DNAH11: variants seen among roughly 807,000 people sequenced by gnomAD.
DNAH11 encodes the protein axonemal beta dynein heavy chain 11.
A neutral mutation model predicts 526.0 loss-of-function variants in DNAH11; 442 were observed. The observed-to-expected ratio is 0.84, with a 90% CI of 0.78 to 0.91. DNAH11 has a LOEUF of 0.91. Ranked by LOEUF, DNAH11 falls within the 40% of genes least tolerant of loss-of-function variation. The pLI, the probability that DNAH11 is intolerant of heterozygous loss-of-function variation, is 0.00. For missense variants in DNAH11, 6,989 were observed against 5,448.7 expected (o/e 1.28, Z -8.90); for synonymous variants, 2,461 against 1,935.9 (o/e 1.27, Z -7.12).
At chr7:21,683,374 A>G (rs1783221433) in intron 31 of DNAH11, among the ~76,000 whole-genome samples, 1 of 152,258 alleles carries the variant, frequency 6.6e-6, no homozygotes, top group African/African-American at 2.4e-5. Context: ...TGGTTTTAGA[A>G]TGAACTTGGT....
intron 2 of DNAH11, among the ~76,000 whole-genome samples, chr7:21,546,193 C>T (rs1314998306): frequency 1.3e-5 from 2 of 150,896 alleles, no homozygotes; most frequent in Admixed American, 6.6e-5. Context: ...ACCTCTTCTA[C>T]TTTTTGAGTC....
chr7:21,739,998 A>G (rs770104637), intron 48 of DNAH11, among the ~76,000 whole-genome samples: 58 of 152,188 alleles, frequency 3.8e-4, no homozygotes, highest in Admixed American at 6.5e-4. Context: ...ACACATTATT[A>G]TTAACTAAAG....
At chr7:21,635,258 A>G (rs527915666) in intron 25 of DNAH11, among the ~76,000 whole-genome samples, 97 of 152,144 alleles carry the variant, frequency 6.4e-4, no homozygotes, top group South Asian at 2.7e-3. Context: ...CCGGGTTCAC[A>G]CCGTTCTCCT....
chr7:21,884,786 G>C (rs1014086685), intron 76 of DNAH11, among the ~76,000 whole-genome samples: 1 of 152,164 alleles, frequency 6.6e-6, no homozygotes, highest in African/African-American at 2.4e-5. Context: ...GGTTGGCACA[G>C]GCAAGAGTTT....
chr7:21,598,982 T>C (rs1784968853), intron 14 of DNAH11, among the ~76,000 whole-genome samples: 1 of 152,242 alleles, frequency 6.6e-6, no homozygotes, highest in East Asian at 1.9e-4. Flanking sequence ...TTATCCAGTG[T>C]ATCATTGATA....
At chr7:21,544,133 C>T (rs1389692733) in intron 1 of DNAH11, among the ~76,000 whole-genome samples, 1 of 152,172 alleles carries the variant, frequency 6.6e-6, no homozygotes, top group Non-Finnish European at 1.5e-5. Context: ...GAACAGTTCC[C>T]TCCTTTCTTC....
At chr7:21,580,314 T>G (rs1784262032) in intron 8 of DNAH11, among the ~76,000 whole-genome samples, 1 of 152,230 alleles carries the variant, frequency 6.6e-6, no homozygotes, top group Non-Finnish European at 1.5e-5. Flanking sequence ...TGGGAAGTTG[T>G]GTTTACTTTA....
At chr7:21,557,374 A>G (rs549866378) in intron 2 of DNAH11, among the ~76,000 whole-genome samples, 15 of 152,284 alleles carry the variant, frequency 9.9e-5, no homozygotes, top group Non-Finnish European at 1.6e-4. Flanking sequence ...TGGTGTATCA[A>G]TACTGGACAT....
Position 21,558,919 on chromosome 7 carries a change from A to G in DNAH11, c.613A>G (p.Lys205Glu). ...AAAGAAGATGTATATTTTTAGGGGC[A>G]AAATGTCTAGAAGAACTCTTCTACC... ...MKKKMYIFRG[K>E]MSRRTLLPIP... The change falls in exon 3 of 82, where the codon AAA becomes GAA. Residue 205 changes from lysine to glutamate, a missense_variant. Coordinates refer to ENST00000409508, the MANE Select transcript of DNAH11 (RefSeq NM_001277115.2). The G allele has an allele frequency of 6.2e-7, 1 of 1,600,074 alleles. No homozygotes were observed. Among genetic ancestry groups the G allele is most frequent in the Non-Finnish European group, 8.5e-7 (1 of 1,172,638 alleles).
intron 65 of DNAH11, among the ~76,000 whole-genome samples, chr7:21,818,677 C>A (rs993848970): frequency 1.3e-5 from 2 of 152,196 alleles, no homozygotes; most frequent in Non-Finnish European, 2.9e-5. Context: ...TGCCTATCTA[C>A]ATATCACTTG....
chr7:21,562,761 A>C (rs895302761), intron 5 of DNAH11, among the ~76,000 whole-genome samples: 1 of 152,182 alleles, frequency 6.6e-6, no homozygotes, highest in African/African-American at 2.4e-5. Flanking sequence ...AAAAATAGTA[A>C]TTTTGAAACA....
At chr7:21,809,202 C>G (rs1383792652) in intron 63 of DNAH11, among the ~76,000 whole-genome samples, 1 of 152,122 alleles carries the variant, frequency 6.6e-6, no homozygotes, top group Admixed American at 6.5e-5. Flanking sequence ...AATATCTATT[C>G]AAGAACTTTG....
rs542041626 is a variant in DNAH11, at chr7:21,653,525, A to C, written c.4945-2307A>C. Among the ~76,000 whole-genome samples, 65 of 152,336 alleles carry C rather than the reference A, an allele frequency of 4.3e-4. 1 individual carries two copies. Among genetic ancestry groups the C allele is most frequent in the African/African-American group, 1.5e-3 (62 of 41,572 alleles). Reference sequence around the variant, plus strand: ...GAGGGTGTCTGATGGCTGAAGGCTCATTTATCCAAAGGCTTTTCAGTTGAA... The same window carrying C: ...GAGGGTGTCTGATGGCTGAAGGCTCCTTTATCCAAAGGCTTTTCAGTTGAA... On this transcript the variant is annotated intron_variant, in intron 28 of 81. Coordinates refer to ENST00000409508, the MANE Select transcript of DNAH11 (RefSeq NM_001277115.2).
In DNAH11 at chr7:21,707,799, T is replaced by C; in HGVS notation, c.6647T>C (p.Phe2216Ser). 6.2e-7 allele frequency: 1 copy of C among 1,609,818 alleles called. No homozygotes were observed. The highest frequency in any genetic ancestry group is 8.5e-7 in the Non-Finnish European group (1 of 1,178,468). ...GTGACAACAGATGAACTCTTTGGTTTCATACATCATGCTACCCGAGAATGG... is the reference window on the plus strand; with the variant it reads ...GTGACAACAGATGAACTCTTTGGTTCCATACATCATGCTACCCGAGAATGG... Reference protein sequence around the residue: ...KAVTTDELFGFIHHATREWKD... With the variant: ...KAVTTDELFGSIHHATREWKD... The change falls in exon 40 of 82, where the codon TTC becomes TCC. Residue 2216 changes from phenylalanine (F) to serine (S), a missense_variant. Physicochemically the swap from Phe to Ser is radical, Grantham distance 155 (BLOSUM62 -2). Coordinates refer to ENST00000409508, the MANE Select transcript of DNAH11 (RefSeq NM_001277115.2).
chr7:21,889,532 G>C (rs779781498), intron 76 of DNAH11, among the ~76,000 whole-genome samples: 6 of 152,082 alleles, frequency 3.9e-5, no homozygotes, highest in Non-Finnish European at 7.4e-5. Flanking sequence ...TGACAGTTCT[G>C]TTTTCTCCAC....
At chr7:21,704,724 C>A in intron 38 of DNAH11, 96 bp downstream of exon 38, 1 of 1,350,438 alleles carries the variant, frequency 7.4e-7, no homozygotes, top group South Asian at 1.5e-5. Context: ...AACTTGTACC[C>A]TAACCTTAAT....
rs1254655318 is a variant in DNAH11, at chr7:21,772,721, G to A, written c.9103-1045G>A. Among the ~76,000 whole-genome samples the A allele has an allele frequency of 2.6e-5, 4 of 152,124 alleles. 1 individual carries two copies. Among genetic ancestry groups the A allele is most frequent in the South Asian group, 4.2e-4 (2 of 4,812 alleles). On this transcript the variant is annotated intron_variant, in intron 55 of 81. Transcript: ENST00000409508. The stretch of plus-strand genomic sequence containing the variant: ...TACTAGTGAGATGGATTTTTAATAC[G>A]CAGCACAATGCAATATGTGGGTATT...
intron 49 of DNAH11, 78 bp downstream of exon 49, chr7:21,742,244 C>A: frequency 6.8e-7 from 1 of 1,478,180 alleles, no homozygotes; most frequent in Non-Finnish European, 9.1e-7. Flanking sequence ...TTTTTTATGT[C>A]ACTATAGAGA....
intron 28 of DNAH11, among the ~76,000 whole-genome samples, chr7:21,644,333 G>T (rs560165040): frequency 1.1e-4 from 16 of 152,144 alleles, no homozygotes; most frequent in African/African-American, 3.9e-4. Flanking sequence ...CTCAGCATAT[G>T]AATTTTAAGA....
Sources: allele counts gnomAD v4.1 joint callset (sites outside exome capture counted in the v4.1 genomes callset), GRCh38; gene constraint gnomAD v4.1.1; transcripts MANE v1.5; gene names NCBI Gene and HGNC (gene_info 2026-07-23, HGNC 2026-07-21).